ALDH5A1: variants seen among roughly 807,000 people sequenced by gnomAD.
ALDH5A1 encodes the protein aldehyde dehydrogenase 5 family member A1.
A neutral mutation model predicts 54.7 loss-of-function variants in ALDH5A1; 33 were observed. The observed-to-expected ratio is 0.60, with a 90% CI of 0.46 to 0.81. ALDH5A1 has a LOEUF of 0.81. Ranked by LOEUF, ALDH5A1 falls within the 30% of genes least tolerant of loss-of-function variation. The probability of loss-of-function intolerance (pLI) is 0.00; values close to 1 mark genes in which losing one functional copy is unlikely to be tolerated. For synonymous variants in ALDH5A1, 294 were observed against 292.7 expected, an observed-to-expected ratio of 1.00 and a Z score of -0.05; for missense variants, 657 against 711.0, an observed-to-expected ratio of 0.92 and a Z score of 0.86.
chr6:24,528,144 G>A lies in ALDH5A1; in HGVS notation c.1321G>A (p.Gly441Arg), dbSNP rs1041467895. The A allele has an allele frequency of 5.0e-6, 8 of 1,613,756 alleles. No homozygotes were observed. Among genetic ancestry groups the A allele is most frequent in the Middle Eastern group, 1.6e-4 (1 of 6,062 alleles). The change falls in exon 8 of 10, where the codon GGG becomes AGG. Residue 441 changes from glycine (G) to arginine (R), a missense_variant. Physicochemically the swap from Gly to Arg is moderately radical, Grantham distance 125. Transcript: ENST00000357578. ...DMLCTHEETFGPLAPVIKFDT... is the reference protein window; with the variant it reads ...DMLCTHEETFRPLAPVIKFDT... ...GCTGTGCACTCATGAAGAGACTTTCGGGCCTCTGGCACCAGTTATCAAGTA... is the reference window on the plus strand; with the variant it reads ...GCTGTGCACTCATGAAGAGACTTTCAGGCCTCTGGCACCAGTTATCAAGTA...
rs1238574811 is a variant in ALDH5A1 at position 24,509,301 on chromosome 6, G to A, written c.726+4316G>A. On this transcript the variant is annotated intron_variant, in intron 4 of 9. Transcript: ENST00000357578. This position sits in a 1 kb window ranked among gnomAD's most constrained non-coding sequence, Gnocchi z 4.7. ...CTTGAGTTTATTTTGTATAAGGTGA[G>A]CGATGAGGATCCAGTTTTATTTTCC... Among the ~76,000 whole-genome samples, 1 of 152,172 alleles carries A rather than the reference G, an allele frequency of 6.6e-6. No individual in the cohort carries two copies. Among genetic ancestry groups the A allele is most frequent in the Non-Finnish European group, 1.5e-5 (1 of 68,018 alleles).
At chr6:24,531,371 A>C (rs140294263) in intron 8 of ALDH5A1, among the ~76,000 whole-genome samples, 2 of 152,214 alleles carry the variant, frequency 1.3e-5, no homozygotes, top group African/African-American at 4.8e-5. Flanking sequence ...GCAGTTGACT[A>C]TGATGTAGCT....
At chr6:24,517,817 G>A (rs1045392348) in intron 5 of ALDH5A1, among the ~76,000 whole-genome samples, 1 of 152,254 alleles carries the variant, frequency 6.6e-6, no homozygotes, top group African/African-American at 2.4e-5. Flanking sequence ...TAGGGGCTGA[G>A]CTTCTGGTCC....
chr6:24,526,729 G>A (rs527826533), intron 7 of ALDH5A1, among the ~76,000 whole-genome samples: 4 of 151,042 alleles, frequency 2.6e-5, no homozygotes, highest in Admixed American at 2.0e-4. Flanking sequence ...ACATTACCAA[G>A]TAAATAATAG....
intron 4 of ALDH5A1, chr6:24,511,959 G>C: frequency 2.1e-6 from 1 of 486,370 alleles, no homozygotes; most frequent in Admixed American, 3.4e-5. Context: ...ATTGGGGTAG[G>C]CTCTGTCAGA....
In ALDH5A1 at chr6:24,501,936, T is replaced by TGA. The variant is rs1388863630; in HGVS notation, c.355-586_355-585insAG. 4.0e-3 allele frequency among the ~76,000 whole-genome samples: 598 copies of TGA among 147,672 alleles called. 7 individuals carry two copies. Among genetic ancestry groups the TGA allele is most frequent in the African/African-American group, 0.015 (561 of 38,662 alleles). On this transcript the variant is annotated intron_variant, in intron 1 of 9. Transcript: ENST00000357578. ...GTGGGTGTATATATATATGTGTGTG[T>TGA]GTGTATATATATATGTGTATGTGTG...
rs550920773 is a variant in ALDH5A1 at position 24,504,741 on chromosome 6, G to A, written c.610-128G>A. The A allele has an allele frequency of 1.1e-5, 10 of 928,200 alleles. No individual in the cohort carries two copies. The East Asian group carries it at 2.2e-4, about 20-fold the overall frequency. The allele number at this position is 928,200 out of a possible 1,614,324, so 57.5% of individuals were successfully genotyped here. ...GGTCAGGTGTTCTGAGAGCTCACCT[G>A]TGCAGCCAAACGGGTTTGTCAATCA... On this transcript the variant is annotated intron_variant, in intron 3 of 9. Transcript: ENST00000357578.
At chr6:24,508,575 A>T (rs1056968047) in intron 4 of ALDH5A1, among the ~76,000 whole-genome samples, 2 of 151,990 alleles carry the variant, frequency 1.3e-5, no homozygotes, top group African/African-American at 4.8e-5. Flanking sequence ...TGCTGCTATA[A>T]ACGTGCATGT....
chr6:24,525,765 C>G (rs1202301435), intron 7 of ALDH5A1, among the ~76,000 whole-genome samples: 1 of 151,912 alleles, frequency 6.6e-6, no homozygotes, highest in Non-Finnish European at 1.5e-5. Context: ...GAAATTGGTG[C>G]CATTTTAAAC....
At position 24,495,314 on chromosome 6, in the gene ALDH5A1, C is replaced by G. The variant is rs985818920; in HGVS notation, c.318C>G (p.Tyr106Ter). The change falls in exon 1 of 10, where the codon TAC (tyrosine) becomes TAG (stop). Residue 106 changes from tyrosine to a stop codon, truncating the protein, a stop_gained. Transcript: ENST00000357578. LOFTEE classifies it high-confidence loss of function. ...CCCGCGCCGCCGTGCGCGCTGCCTA[C>G]GAGGCTTTCTGCCGCTGGAGGGAGG... Reference protein sequence around the residue: ...REARAAVRAAYEAFCRWREVS... With the variant: ...REARAAVRAA 2.0e-6 allele frequency: 3 copies of G among 1,533,088 alleles called. No homozygotes were observed. Among genetic ancestry groups the G allele is most frequent in the Non-Finnish European group, 2.6e-6 (3 of 1,146,460 alleles). The allele number at this position is 1,533,088 out of a possible 1,614,324, so 95.0% of individuals were successfully genotyped here.
chr6:24,496,698 T>C, intron 1 of ALDH5A1, among the ~76,000 whole-genome samples: 1 of 152,206 alleles, frequency 6.6e-6, no homozygotes, highest in East Asian at 1.9e-4. Context: ...CAGTTGGTTA[T>C]ATGAATGAAT....
intron 7 of ALDH5A1, among the ~76,000 whole-genome samples, chr6:24,523,400 C>G (rs974486825): frequency 6.6e-6 from 1 of 151,694 alleles, no homozygotes; most frequent in African/African-American, 2.4e-5. Flanking sequence ...GGTAAAGTGC[C>G]CAGCAAGCCT....
At position 24,515,282 on chromosome 6, in the gene ALDH5A1, C is replaced by T. The variant is rs267600900; in HGVS notation, c.842C>T (p.Ser281Phe). ...ACTGATCCTCTGGTGTCCAAAATTT[C>T]CTTTACTGGTTCAACAACTACAGGA... The part of the protein sequence containing the change: ...ICTDPLVSKI[S>F]FTGSTTTGKI... The change falls in exon 5 of 10, where the codon TCC (serine) becomes TTC (phenylalanine). Residue 281 changes from serine (S) to phenylalanine (F), a missense_variant. Physicochemically the swap from Ser to Phe is radical, Grantham distance 155. This residue lies in a region of ALDH5A1 where 425 missense variants were observed against 516.4 expected (regional missense o/e 0.82). Transcript: ENST00000357578. 1 of 1,613,908 alleles carries T rather than the reference C, an allele frequency of 6.2e-7. No individual in the cohort carries two copies. The highest frequency in any genetic ancestry group is 1.1e-5 in the South Asian group (1 of 91,072).
At position 24,534,477 on chromosome 6, in the gene ALDH5A1, G is replaced by A. The variant is rs11558625; in HGVS notation, c.*765G>A. 3,252 of 152,514 alleles carry A rather than the reference G, an allele frequency of 0.021. 55 individuals are homozygous for A. The highest frequency in any genetic ancestry group is 0.055 in the African/African-American group (2,266 of 41,552). 9.4% of individuals were successfully genotyped at this position (152,514 alleles called of 1,614,324 possible). ...AGCAGCTTGGTAGGATGGAAGGCAC[G>A]CAGTGGCATGGCCTGGCTCCTTCCC... is the stretch of plus-strand genomic sequence containing the variant. On this transcript the variant is annotated 3_prime_UTR_variant, in exon 10 of 10. Transcript: ENST00000357578.
In ALDH5A1 at chr6:24,501,939, GTA is replaced by G. The variant is rs1234028952; in HGVS notation, c.355-574_355-573del. On this transcript the variant is annotated intron_variant, in intron 1 of 9. Transcript: ENST00000357578. ...GGTGTATATATATATGTGTGTGTGT[GTA>G]TATATATATGTGTATGTGTGTATAT... Among the ~76,000 whole-genome samples, 7 of 125,736 alleles carry G rather than the reference GTA, an allele frequency of 5.6e-5. No individual in the cohort carries two copies. In the East Asian group the frequency reaches 7.0e-4, roughly 13 times the overall value. The allele number at this position is 125,736 out of a possible 152,430, so 82.5% of individuals were successfully genotyped here. A position where few individuals can be genotyped will look rare whatever the true frequency, so the allele number is the denominator to read the frequency against.
intron 8 of ALDH5A1, among the ~76,000 whole-genome samples, chr6:24,528,516 CCAT>C (rs748035025): frequency 5.7e-4 from 86 of 152,096 alleles, no homozygotes; most frequent in Non-Finnish European, 8.2e-4. Context: ...GCACCCACCA[CCAT>C]ACCAGGCTAA....
chr6:24,507,112 C>G (rs556601058), intron 4 of ALDH5A1, among the ~76,000 whole-genome samples: 1 of 152,216 alleles, frequency 6.6e-6, no homozygotes, highest in Non-Finnish European at 1.5e-5. Flanking sequence ...TCCAGTTTAA[C>G]CCTCCTTTAG....
chr6:24,524,077 C>T (rs1759757663), intron 7 of ALDH5A1, among the ~76,000 whole-genome samples: 1 of 150,898 alleles, frequency 6.6e-6, no homozygotes, highest in Admixed American at 6.6e-5. Context: ...CTCCGCCCCA[C>T]TGAGTTCAAT....
rs919430211 is a variant in ALDH5A1, at chr6:24,534,972, A to G, written c.*1260A>G. On this transcript the variant is annotated 3_prime_UTR_variant, in exon 10 of 10. Coordinates refer to ENST00000357578, the MANE Select transcript of ALDH5A1 (RefSeq NM_001080.3). ...AGAGTTTTTACAGCTCATCATTCAA[A>G]TAACGCACAAAAAACAAAAGCCGCT... 2 of 152,214 alleles carry G rather than the reference A, an allele frequency of 1.3e-5. No individual in the cohort carries two copies. The highest frequency in any genetic ancestry group is 4.8e-5 in the African/African-American group (2 of 41,456). 9.4% of individuals were successfully genotyped at this position (152,214 alleles called of 1,614,324 possible). A position where few individuals can be genotyped will look rare whatever the true frequency, so the allele number is the denominator to read the frequency against.
Sources: gnomAD v4.1 joint callset for allele counts (sites outside exome capture counted in the v4.1 genomes callset) on GRCh38, gnomAD v4.1.1 for gene constraint, gnomAD v4.1.1 regional missense constraint, Gnocchi (gnomAD v3.1) non-coding constraint, MANE v1.5 for transcripts, NCBI Gene and HGNC (gene_info 2026-07-23, HGNC 2026-07-21) for gene names.